CD4: variants seen among roughly 807,000 people sequenced by gnomAD.
CD4 encodes T-cell surface glycoprotein CD4.
In CD4, 25 loss-of-function variants were observed where a neutral mutation model predicts 50.5. The ratio of observed to expected loss-of-function variants is 0.49; its 90% CI spans 0.36 to 0.69. The LOEUF (loss-of-function observed/expected upper bound fraction) is 0.69, where lower values mean the gene tolerates loss of function less well. Among genes scored for constraint, CD4 ranks in the 30% least tolerant of loss-of-function variants. CD4 has a pLI of 0.00. For missense variants in CD4, 456 were observed against 548.5 expected, an observed-to-expected ratio of 0.83 and a Z score of 1.68; for synonymous variants, 207 against 221.9, an observed-to-expected ratio of 0.93 and a Z score of 0.60.
chr12:6,801,300 G>A (rs148710988), intron 3 of CD4, among the ~76,000 whole-genome samples: 10,526 of 150,532 alleles, frequency 0.07, 595 homozygotes, highest in East Asian at 0.12. Flanking sequence ...GCAGATCACC[G>A]GNGGTCAGGA....
Position 6,806,182 on chromosome 12 carries a change from C to CACAT in CD4, c.214+5712_214+5713insCATA, listed in dbSNP as rs1555116155. On this transcript the variant is annotated intron_variant, in intron 3 of 9. Coordinates refer to ENST00000011653, the MANE Select transcript of CD4 (RefSeq NM_000616.5). ...ACACACACACACACACACACACACA[C>CACAT]ATACACAAGTATATACACATATATA... Among the ~76,000 whole-genome samples, 153 of 80,012 alleles carry CACAT rather than the reference C, an allele frequency of 1.9e-3. 1 individual carries two copies. The highest frequency in any genetic ancestry group is 4.8e-3 in the African/African-American group (142 of 29,876). 52.5% of individuals were successfully genotyped at this position (80,012 alleles called of 152,430 possible).
Position 6,818,371 on chromosome 12 carries a change from C to T in CD4, c.1157-50C>T. The T allele has an allele frequency of 1.2e-6, 2 of 1,606,248 alleles. No homozygotes were observed. The highest frequency in any genetic ancestry group is 2.2e-5 in the South Asian group (2 of 90,884). ...GGATTGCAGGGCAGTCCTCAGTCCC[C>T]TGGCCCGTGGAGGAGGGCGGTGCAT... On this transcript the variant is annotated intron_variant, in intron 7 of 9. Transcript: ENST00000011653. The surrounding 1 kb of genome is among the most constrained non-coding windows in gnomAD (Gnocchi z 5.0).
At chr12:6,814,003 G>T in intron 3 of CD4, 139 bp from the exon 4 acceptor site, 1 of 721,622 alleles carries the variant, frequency 1.4e-6, no homozygotes, top group Non-Finnish European at 2.4e-6. Context: ...TTGCCAGACC[G>T]GGTTTCTCTG....
intron 1 of CD4, among the ~76,000 whole-genome samples, chr12:6,796,831 A>G (rs1942389385): frequency 6.6e-6 from 1 of 152,170 alleles, no homozygotes; most frequent in African/African-American, 2.4e-5. Flanking sequence ...TGGGTGACAG[A>G]GTGGATCTAA....
intron 1 of CD4, among the ~76,000 whole-genome samples, chr12:6,791,839 G>T (rs1290585851): frequency 6.6e-6 from 1 of 152,196 alleles, no homozygotes; most frequent in Non-Finnish European, 1.5e-5. Flanking sequence ...GCCTGACTGT[G>T]CCACTGCACT....
chr12:6,800,164 A>T lies in CD4; in HGVS notation c.26A>T (p.His9Leu), dbSNP rs1555114972. Reference protein sequence around the residue: MNRGVPFRHLLLVLQLALL... With the variant: MNRGVPFRLLLLVLQLALL... ...ATGAACCGGGGAGTCCCTTTTAGGC[A>T]CTTGCTTCTGGTGCTGCAACTGGGT... Residue 9 changes from histidine to leucine, a missense_variant, in exon 2 of 10, where the codon CAC becomes CTC. By Grantham distance (99) the His-to-Leu change is moderately conservative. Coordinates refer to ENST00000011653, the MANE Select transcript of CD4 (RefSeq NM_000616.5). 1.2e-6 allele frequency: 2 copies of T among 1,613,940 alleles called. No individual in the cohort carries two copies. The highest frequency in any genetic ancestry group is 1.7e-6 in the Non-Finnish European group (2 of 1,179,964).
intron 1 of CD4, among the ~76,000 whole-genome samples, chr12:6,790,591 C>T (rs760309395): frequency 6.6e-6 from 1 of 152,214 alleles, no homozygotes; most frequent in Non-Finnish European, 1.5e-5. Context: ...GGATGTGCAG[C>T]CCCTCCTGGG....
intron 3 of CD4, among the ~76,000 whole-genome samples, chr12:6,802,107 CAA>C (rs1214498714): frequency 3.3e-5 from 5 of 151,570 alleles, no homozygotes; most frequent in Non-Finnish European, 4.4e-5. Context: ...CTCCTGACCT[CAA>C]GTGATTCTCC....
chr12:6,809,332 C>T (rs1024419676), intron 3 of CD4, among the ~76,000 whole-genome samples: 12 of 151,974 alleles, frequency 7.9e-5, no homozygotes, highest in African/African-American at 2.7e-4. Context: ...CTCGTCTCTA[C>T]AAAAAATACA....
chr12:6,818,691 G>A lies in CD4; in HGVS notation c.1278+149G>A. ...GCCCTGTCCCAGATCCCACTCAAGG[G>A]AGAGACAGGAAGGAGCAGAGAGTTA... On this transcript the variant is annotated intron_variant, in intron 8 of 9. Coordinates refer to ENST00000011653, the MANE Select transcript of CD4 (RefSeq NM_000616.5). The surrounding 1 kb of genome is among the most constrained non-coding windows in gnomAD (Gnocchi z 5.0). 8.2e-7 allele frequency: 1 copy of A among 1,215,960 alleles called. No homozygotes were observed. The highest frequency in any genetic ancestry group is 1.2e-6 in the Non-Finnish European group (1 of 836,030). 75.3% of individuals were successfully genotyped at this position (1,215,960 alleles called of 1,614,324 possible).
chr12:6,791,353 C>T (rs533258965), intron 1 of CD4, among the ~76,000 whole-genome samples: 1 of 152,348 alleles, frequency 6.6e-6, no homozygotes, highest in South Asian at 2.1e-4. Context: ...AGCGATTCTC[C>T]TGCCTCAGCC....
chr12:6,812,037 C>T (rs1258093557), intron 3 of CD4, among the ~76,000 whole-genome samples: 1 of 152,076 alleles, frequency 6.6e-6, no homozygotes, highest in Non-Finnish European at 1.5e-5. Context: ...AGGTTGGTCC[C>T]AGACTCCTGA....
intron 3 of CD4, among the ~76,000 whole-genome samples, chr12:6,812,139 C>T (rs1022208513): frequency 1.9e-4 from 29 of 152,230 alleles, no homozygotes; most frequent in African/African-American, 6.7e-4. Context: ...GTGGCTCACA[C>T]CTGCAATCCC....
chr12:6,789,707 G>C (rs1942092585), intron 1 of CD4, 45 bp downstream of exon 1: 1 of 152,254 alleles, frequency 6.6e-6, no homozygotes, highest in African/African-American at 2.4e-5. Context: ...CTGAGAGGGA[G>C]GGGAACGTGG....
chr12:6,817,973 CAT>C (rs1368545949), intron 7 of CD4, among the ~76,000 whole-genome samples: 4 of 152,124 alleles, frequency 2.6e-5, no homozygotes, highest in East Asian at 1.9e-4. Flanking sequence ...ATTATTCACA[CAT>C]GTGCACACAC....
chr12:6,806,573 G>A (rs1485910918), intron 3 of CD4, among the ~76,000 whole-genome samples: 2 of 152,096 alleles, frequency 1.3e-5, no homozygotes, highest in African/African-American at 2.4e-5. Flanking sequence ...TCTAGAATAT[G>A]ATAAACAACT....
At chr12:6,794,980 T>C (rs11614716) in intron 1 of CD4, among the ~76,000 whole-genome samples, 1 of 151,120 alleles carries the variant, frequency 6.6e-6, no homozygotes, top group African/African-American at 2.4e-5. Context: ...AGAGAAGGGT[T>C]TCACCATGTT....
Position 6,792,150 on chromosome 12 carries a change from C to T in CD4, c.-68+2488C>T, listed in dbSNP as rs1488779913. ...GAGGGTGAACGCGGTGGGGCACATCCCGCGGCTGGGCTTGAGTGGGCTGCT... is the reference window on the plus strand; with the variant it reads ...GAGGGTGAACGCGGTGGGGCACATCTCGCGGCTGGGCTTGAGTGGGCTGCT... On this transcript the variant is annotated intron_variant, in intron 1 of 9. Transcript: ENST00000011653. This position sits in a 1 kb window ranked among gnomAD's most constrained non-coding sequence, Gnocchi z 4.1. 6.6e-6 allele frequency among the ~76,000 whole-genome samples: 1 copy of T among 152,050 alleles called. No individual in the cohort carries two copies. The highest frequency in any genetic ancestry group is 1.5e-5 in the Non-Finnish European group (1 of 68,008).
chr12:6,805,368 GC>G (rs1192206837), intron 3 of CD4, among the ~76,000 whole-genome samples: 5 of 151,774 alleles, frequency 3.3e-5, no homozygotes, highest in African/African-American at 1.2e-4. Flanking sequence ...TTTGAGACCA[GC>G]CTGGCCAACA....
Sources: gnomAD v4.1 joint callset for allele counts (sites outside exome capture counted in the v4.1 genomes callset) on GRCh38, gnomAD v4.1.1 for gene constraint, Gnocchi (gnomAD v3.1) non-coding constraint, MANE v1.5 for transcripts, NCBI Gene and HGNC (gene_info 2026-07-23, HGNC 2026-07-21) for gene names.